The following USH2A variants were observed in gnomAD, a reference collection of about 807,000 sequenced individuals.
The protein encoded by USH2A is usherin.
USH2A carries 443 observed loss-of-function variants against 538.9 expected under a neutral mutation model. The observed-to-expected ratio is 0.82, with a 90% CI of 0.76 to 0.89. The LOEUF (loss-of-function observed/expected upper bound fraction) is 0.89, where lower values mean the gene tolerates loss of function less well. Among genes scored for constraint, USH2A ranks in the 40% least tolerant of loss-of-function variants. USH2A has a pLI of 0.00. For missense variants in USH2A, 6,633 were observed against 6,324.8 expected (o/e 1.05, Z -1.65); for synonymous variants, 2,413 against 2,273.5 (o/e 1.06, Z -1.75).
chr1:216,176,673 A>G (rs2034390939), intron 20 of USH2A, among the ~76,000 whole-genome samples: 3 of 151,826 alleles, frequency 2.0e-5, no homozygotes, highest in Admixed American at 2.0e-4. Flanking sequence ...TACACAGAAA[A>G]TTTTCCCTAC....
At chr1:215,977,647 G>C (rs1667653242) in intron 35 of USH2A, among the ~76,000 whole-genome samples, 1 of 151,950 alleles carries the variant, frequency 6.6e-6, no homozygotes, top group Admixed American at 6.6e-5. Flanking sequence ...CAAGTAGCTG[G>C]GATTATAGGT....
chr1:215,834,003 C>T (rs185973010), intron 47 of USH2A, among the ~76,000 whole-genome samples: 24 of 152,116 alleles, frequency 1.6e-4, no homozygotes, highest in Admixed American at 1.4e-3. Flanking sequence ...ACCATAATAA[C>T]ACACCACAAA....
At chr1:216,348,939 T>C (rs2038227220) in intron 4 of USH2A, among the ~76,000 whole-genome samples, 2 of 152,300 alleles carry the variant, frequency 1.3e-5, no homozygotes, top group South Asian at 4.1e-4. Flanking sequence ...TGGGATTTAC[T>C]AGCAACCACA....
At chr1:215,692,453 A>T (rs897033768) in intron 61 of USH2A, among the ~76,000 whole-genome samples, 5 of 142,956 alleles carry the variant, frequency 3.5e-5, no homozygotes, top group African/African-American at 1.3e-4. Context: ...TATTTTACAT[A>T]TATATATATA....
At chr1:216,350,418 C>T (rs1471562028) in intron 4 of USH2A, among the ~76,000 whole-genome samples, 1 of 152,158 alleles carries the variant, frequency 6.6e-6, no homozygotes, top group Non-Finnish European at 1.5e-5. Context: ...AGGCAATTCC[C>T]TTCTACCTAT....
In USH2A at chr1:215,731,141, C is replaced by T. The variant is rs180916865; in HGVS notation, c.11712-2757G>A. The stretch of plus-strand genomic sequence containing the variant: ...GATGTAGTCATGGTTTCTATAAAGC[C>T]GACATTCTTAACAAAATTTGCCTAA... On this transcript the variant is annotated intron_variant, in intron 60 of 71. Coordinates refer to ENST00000307340, the MANE Select transcript of USH2A (RefSeq NM_206933.4). 6.3e-4 allele frequency among the ~76,000 whole-genome samples: 96 copies of T among 152,126 alleles called. No individual in the cohort carries two copies. The Middle Eastern group carries it at 0.017, about 27-fold the overall frequency.
At chr1:215,935,899 T>A (rs903515021) in intron 37 of USH2A, among the ~76,000 whole-genome samples, 3 of 151,868 alleles carry the variant, frequency 2.0e-5, no homozygotes, top group Non-Finnish European at 2.9e-5. Flanking sequence ...TTAAAAATTA[T>A]CTGGTCATGG....
chr1:215,636,802 A>G (rs1656509375), intron 69 of USH2A, among the ~76,000 whole-genome samples: 1 of 152,018 alleles, frequency 6.6e-6, no homozygotes, highest in Non-Finnish European at 1.5e-5. Flanking sequence ...GAAAATTAGA[A>G]CTGACGATGG....
rs368723030 is a variant in USH2A at position 216,070,316 on chromosome 1, T to C, written c.5858-24A>G. The C allele has an allele frequency of 1.1e-5, 17 of 1,611,426 alleles. No homozygotes were observed. The African/African-American group carries it at 1.9e-4, about 18-fold the overall frequency. ...AGCTGTGAAGGAATAAAAGAGAAAA[T>C]AGGGAAAATGGCAGTTCTGAGAAGA... is the stretch of plus-strand genomic sequence containing the variant. On this transcript the variant is annotated intron_variant, in intron 29 of 71. Coordinates refer to ENST00000307340, the MANE Select transcript of USH2A (RefSeq NM_206933.4).
rs1298572598 is a variant in USH2A at position 215,888,673 on chromosome 1, A to G, written c.7976T>C (p.Ile2659Thr). ...HPNGLVENFT[I>T]ERRVKGKEEV... ...TTCCTTTCCTTTGACTCTTCTCTCAATTGTGAAATTCTCCACCAAGCCATT... is the reference window on the plus strand; with the variant it reads ...TTCCTTTCCTTTGACTCTTCTCTCAGTTGTGAAATTCTCCACCAAGCCATT... Residue 2659 changes from isoleucine (I) to threonine (T), a missense_variant, in exon 41 of 72, where the codon ATT becomes ACT. Coordinates refer to ENST00000307340, the MANE Select transcript of USH2A (RefSeq NM_206933.4). 3 of 1,614,034 alleles carry G rather than the reference A, an allele frequency of 1.9e-6. No homozygotes were observed. Among genetic ancestry groups the G allele is most frequent in the African/African-American group, 1.3e-5 (1 of 74,928 alleles).
intron 21 of USH2A, among the ~76,000 whole-genome samples, chr1:216,135,567 G>A (rs1419846135): frequency 6.6e-6 from 1 of 151,588 alleles, no homozygotes; most frequent in Admixed American, 6.6e-5. Context: ...ACAGCTAAAG[G>A]GTAATATTTA....
Position 216,100,471 on chromosome 1 carries a change from A to G in USH2A, c.4628-3258T>C, listed in dbSNP as rs189343162. Among the ~76,000 whole-genome samples the G allele has an allele frequency of 3.9e-5, 6 of 152,296 alleles. No homozygotes were observed. The East Asian group carries it at 1.2e-3, about 29-fold the overall frequency. On this transcript the variant is annotated intron_variant, in intron 21 of 71. Transcript: ENST00000307340. Reference sequence around the variant, plus strand: ...TCTCCTTATGGTTCAGAGTAACACTACTTGAGAAATCTTATCTTTCTGTCA... The same window carrying G: ...TCTCCTTATGGTTCAGAGTAACACTGCTTGAGAAATCTTATCTTTCTGTCA...
intron 55 of USH2A, among the ~76,000 whole-genome samples, chr1:215,767,987 G>A (rs1253049632): frequency 6.6e-6 from 1 of 152,116 alleles, no homozygotes; most frequent in Non-Finnish European, 1.5e-5. Flanking sequence ...TGAATCCAAT[G>A]ATTGTTATGC....
At chr1:215,908,835 T>G (rs10746460) in intron 38 of USH2A, among the ~76,000 whole-genome samples, 127,317 of 151,424 alleles carry the variant, frequency 0.84, 53,602 homozygotes, top group African/African-American at 0.85. Flanking sequence ...GGGTAAACGT[T>G]GATGAATGCT....
intron 5 of USH2A, 67 bp downstream of exon 5, chr1:216,327,524 T>C: frequency 6.4e-7 from 1 of 1,553,826 alleles, no homozygotes; most frequent in East Asian, 2.3e-5. Flanking sequence ...TACATAGTAT[T>C]CTTATTTAAG....
chr1:216,272,801 G>A (rs945322203), intron 11 of USH2A, among the ~76,000 whole-genome samples: 1 of 152,100 alleles, frequency 6.6e-6, no homozygotes, highest in African/African-American at 2.4e-5. Context: ...TTGAGAAAGA[G>A]GGAGAAATGG....
chr1:216,066,540 A>T (rs1485534799), intron 30 of USH2A, among the ~76,000 whole-genome samples: 4 of 152,178 alleles, frequency 2.6e-5, no homozygotes, highest in Non-Finnish European at 5.9e-5. Flanking sequence ...GCATAATGTT[A>T]CACACTTTAC....
intron 45 of USH2A, 54 bp from the exon 46 acceptor site, chr1:215,844,550 T>A: frequency 6.3e-7 from 1 of 1,577,498 alleles, no homozygotes; most frequent in East Asian, 2.2e-5. Flanking sequence ...AAAAAGCACA[T>A]GTTAAGCTAA....
rs753038400 is a variant in USH2A, at chr1:215,728,284, A to G, written c.11812T>C (p.Tyr3938His). The change falls in exon 61 of 72, where the codon TAC (tyrosine) becomes CAC (histidine). Residue 3938 changes from tyrosine (Y) to histidine (H), a missense_variant. Tyr to His is a moderately conservative substitution (Grantham distance 83, BLOSUM62 2). Transcript: ENST00000307340. ...TTACAGGCTCTGACCCGATATTCGT[A>G]GAGTGTGAAAGGCCTCAGGGTGTCT... ...EGDTLRPFTL[Y>H]EYRVRACNSK... 1.2e-6 allele frequency: 2 copies of G among 1,614,168 alleles called. No individual in the cohort carries two copies. Among genetic ancestry groups the G allele is most frequent in the Admixed American group, 1.7e-5 (1 of 60,026 alleles).
Sources: allele counts gnomAD v4.1 joint callset (sites outside exome capture counted in the v4.1 genomes callset), GRCh38; gene constraint gnomAD v4.1.1; transcripts MANE v1.5; gene names NCBI Gene and HGNC (gene_info 2026-07-23, HGNC 2026-07-21).